Variants in SEC23IP observed in about 807,000 individuals in gnomAD.
SEC23IP encodes SEC23 interacting protein.
In SEC23IP, 70 loss-of-function variants were observed where a neutral mutation model predicts 113.4. That is an observed-to-expected ratio of 0.62 (90% CI 0.51 to 0.75). The LOEUF is 0.75. SEC23IP is among the 30% of genes least tolerant of loss of function. The probability of loss-of-function intolerance (pLI) is 0.00; values close to 1 mark genes in which losing one functional copy is unlikely to be tolerated. For synonymous variants in SEC23IP, 398 were observed against 421.0 expected (o/e 0.95, Z 0.67); for missense variants, 1,160 against 1,204.9 (o/e 0.96, Z 0.55).
chr10:119,919,325 GT>G lies in SEC23IP; in HGVS notation c.1873-118del, dbSNP rs1172936943. ...TTCAAACTTTGAATGGCAAAGTACT[GT>G]GCCTAAAATTATGATTTCTGTGTAA... On this transcript the variant is annotated intron_variant, in intron 10 of 18. Transcript: ENST00000369075. 5 of 917,016 alleles carry G rather than the reference GT, an allele frequency of 5.5e-6. No homozygotes were observed. In the African/African-American group the frequency reaches 8.4e-5, roughly 15 times the overall value. 56.8% of individuals were successfully genotyped at this position (917,016 alleles called of 1,614,324 possible).
intron 2 of SEC23IP, among the ~76,000 whole-genome samples, chr10:119,900,951 T>G (rs1564905680): frequency 1.3e-5 from 2 of 151,992 alleles, no homozygotes; most frequent in East Asian, 1.9e-4. Flanking sequence ...TCTATTTTTT[T>G]TTTGTGTGAA....
At chr10:119,910,186 G>C (rs946212451) in intron 5 of SEC23IP, among the ~76,000 whole-genome samples, 1 of 152,202 alleles carries the variant, frequency 6.6e-6, no homozygotes, top group African/African-American at 2.4e-5. Flanking sequence ...AGATTTTTCT[G>C]TGGGCTGTAG....
At chr10:119,922,085 G>A (rs910626977) in intron 12 of SEC23IP, among the ~76,000 whole-genome samples, 4 of 152,136 alleles carry the variant, frequency 2.6e-5, no homozygotes, top group Non-Finnish European at 4.4e-5. Flanking sequence ...CGGGGAGCAC[G>A]TTGAGCTCAA....
chr10:119,932,904 C>A, intron 16 of SEC23IP, 101 bp from the exon 17 acceptor site: 1 of 1,005,334 alleles, frequency 9.9e-7, no homozygotes, highest in Non-Finnish European at 1.5e-6. Flanking sequence ...CAGGTTGCTA[C>A]ATGCGTCAAG....
At chr10:119,897,456 T>C (rs532137616) in intron 1 of SEC23IP, among the ~76,000 whole-genome samples, 1 of 152,326 alleles carries the variant, frequency 6.6e-6, no homozygotes, top group African/African-American at 2.4e-5. Context: ...AATTTGGTAT[T>C]CTGTAATGAT....
At chr10:119,914,581 G>T in intron 6 of SEC23IP, 149 bp from the exon 7 acceptor site, 1 of 640,814 alleles carries the variant, frequency 1.6e-6, no homozygotes, top group Non-Finnish European at 2.8e-6. Context: ...CCTCTAATTT[G>T]ATAGGGGTAA....
At chr10:119,926,006 A>G (rs769569094) in intron 12 of SEC23IP, 30 bp from the exon 13 acceptor site, 7 of 1,576,230 alleles carry the variant, frequency 4.4e-6, no homozygotes, top group Admixed American at 3.7e-5. Context: ...TTTTCTCATG[A>G]TTATGTTACT....
chr10:119,918,191 C>G, intron 9 of SEC23IP, 147 bp downstream of exon 9: 2 of 751,084 alleles, frequency 2.7e-6, no homozygotes, highest in Non-Finnish European at 4.3e-6. Context: ...AGTTTAGATT[C>G]TGCCTTTTCT....
chr10:119,917,575 C>T (rs1451540562), intron 8 of SEC23IP, among the ~76,000 whole-genome samples: 3 of 151,990 alleles, frequency 2.0e-5, no homozygotes, highest in Non-Finnish European at 4.4e-5. Context: ...GACGGGGTTT[C>T]GCCATGTTGG....
chr10:119,916,066 T>C (rs1479312796), intron 8 of SEC23IP, among the ~76,000 whole-genome samples, 177 bp downstream of exon 8: 3 of 152,250 alleles, frequency 2.0e-5, no homozygotes, highest in Non-Finnish European at 2.9e-5. Flanking sequence ...TCTCTGTGTG[T>C]GTGCATTCCT....
chr10:119,910,080 A>G (rs191662447), intron 5 of SEC23IP, among the ~76,000 whole-genome samples: 3 of 152,322 alleles, frequency 2.0e-5, no homozygotes, highest in African/African-American at 7.2e-5. Flanking sequence ...TGAAGCCACC[A>G]GCTCTGCCAC....
chr10:119,898,623 C>T lies in SEC23IP; in HGVS notation c.360C>T (p.Leu120=), dbSNP rs1177534395. 11 of 1,614,238 alleles carry T rather than the reference C, an allele frequency of 6.8e-6. No individual in the cohort carries two copies. The highest frequency in any genetic ancestry group is 1.6e-4 in the Middle Eastern group (1 of 6,062). ...QSGFPKPLTA[L]PFTTGSQDVS... ...GATTCCCCAAGCCCCTGACTGCTCT[C>T]CCTTTTACAACTGGATCCCAAGATG... Residue 120 remains leucine, a synonymous_variant, in exon 2 of 19, where the codon CTC becomes CTT. Coordinates refer to ENST00000369075, the MANE Select transcript of SEC23IP (RefSeq NM_007190.4).
chr10:119,942,339 A>G lies in SEC23IP; in HGVS notation c.*1774A>G, dbSNP rs1308772050. On this transcript the variant is annotated 3_prime_UTR_variant, in exon 19 of 19. Coordinates refer to ENST00000369075, the MANE Select transcript of SEC23IP (RefSeq NM_007190.4). Reference sequence around the variant, plus strand: ...TATATATACTCATACATACATATATATATATACACACACACATATGTATGT... The same window carrying G: ...TATATATACTCATACATACATATATGTATATACACACACACATATGTATGT... 4 of 151,410 alleles carry G rather than the reference A, an allele frequency of 2.6e-5. No homozygotes were observed. Among genetic ancestry groups the G allele is most frequent in the Admixed American group, 2.6e-4 (4 of 15,234 alleles). The allele number at this position is 151,410 out of a possible 1,614,324, so 9.4% of individuals were successfully genotyped here.
At chr10:119,900,944 AT>A (rs67750343) in intron 2 of SEC23IP, among the ~76,000 whole-genome samples, 8,296 of 135,948 alleles carry the variant, frequency 0.061, 417 homozygotes, top group South Asian at 0.28. Flanking sequence ...TCTATAATCT[AT>A]TTTTTTTTTG....
chr10:119,935,350 A>C (rs1234036976), intron 18 of SEC23IP, among the ~76,000 whole-genome samples: 2 of 152,110 alleles, frequency 1.3e-5, no homozygotes, highest in African/African-American at 4.8e-5. Context: ...AATCCCAGCA[A>C]CTCAGGAGGC....
At chr10:119,919,689 C>T in intron 11 of SEC23IP, 93 bp downstream of exon 11, 4 of 952,986 alleles carry the variant, frequency 4.2e-6, no homozygotes, top group Non-Finnish European at 4.5e-6. Flanking sequence ...AAAATACACT[C>T]CAGAGTAGAC....
intron 5 of SEC23IP, 99 bp from the exon 6 acceptor site, chr10:119,911,945 C>A (rs542083755): frequency 1.9e-5 from 27 of 1,384,942 alleles, no homozygotes; most frequent in Non-Finnish European, 2.4e-5. Context: ...ATAAACTCTC[C>A]GTACTCTGAG....
intron 13 of SEC23IP, among the ~76,000 whole-genome samples, chr10:119,927,027 G>A (rs1855445643): frequency 1.3e-5 from 2 of 152,096 alleles, no homozygotes; most frequent in Admixed American, 1.3e-4. Flanking sequence ...AGCCTCCCAG[G>A]TAGCTGGGAG....
intron 1 of SEC23IP, among the ~76,000 whole-genome samples, chr10:119,896,192 C>T (rs538509847): frequency 1.2e-4 from 18 of 152,288 alleles, no homozygotes; most frequent in Non-Finnish European, 1.9e-4. Context: ...CACAGAAGAC[C>T]AGAGTGTCAG....
Sources: allele counts gnomAD v4.1 joint callset (sites outside exome capture counted in the v4.1 genomes callset), GRCh38; gene constraint gnomAD v4.1.1; transcripts MANE v1.5; gene names NCBI Gene and HGNC (gene_info 2026-07-23, HGNC 2026-07-21).